Variants in C4orf50 observed in about 807,000 individuals in gnomAD.
C4orf50 encodes the protein uncharacterized protein C4orf50.
In C4orf50, 80 loss-of-function variants were observed where a neutral mutation model predicts 77.2. That is an observed-to-expected ratio of 1.04 (90% CI 0.87 to 1.25). C4orf50 has a LOEUF of 1.25. C4orf50 is among the 50% of genes most tolerant of loss of function. The pLI is 0.00. For synonymous variants in C4orf50, 532 were observed against 465.3 expected (o/e 1.14, Z -1.84); for missense variants, 1,257 against 1,152.9 (o/e 1.09, Z -1.31).
chr4:5,969,454 CAGG>C (rs1560571619), intron 31 of C4orf50, among the ~76,000 whole-genome samples: 1 of 150,118 alleles, frequency 6.7e-6, no homozygotes, highest in Admixed American at 6.7e-5. Context: ...CAGGAGGTGG[CAGG>C]AGGAGGAAAC....
chr4:5,985,606 AC>A, intron 28 of C4orf50, among the ~76,000 whole-genome samples: 2 of 152,232 alleles, frequency 1.3e-5, no homozygotes, highest in Middle Eastern at 6.8e-3. Context: ...AATACCAAAA[AC>A]AAAGGGAGGA....
intron 25 of C4orf50, among the ~76,000 whole-genome samples, chr4:5,996,518 A>G (rs532856907): frequency 1.4e-5 from 2 of 145,956 alleles, no homozygotes; most frequent in Admixed American, 6.9e-5. Flanking sequence ...GCCTTTGCAC[A>G]CTGTCTGGAC....
At chr4:5,989,546 A>G in exon 28 of C4orf50, 1 of 1,536,026 alleles carries the variant, frequency 6.5e-7, no homozygotes, top group Non-Finnish European at 8.7e-7. Context: ...TCTCCCCTAC[A>G]TGCAGAGGCT....
At chr4:5,918,239 A>G (rs78345688) in intron 7 of C4orf50, among the ~76,000 whole-genome samples, 8,196 of 152,268 alleles carry the variant, frequency 0.054, 371 homozygotes, top group African/African-American at 0.12. Flanking sequence ...AAAGAACGTC[A>G]GCCAGTTCAA....
intron 24 of C4orf50, among the ~76,000 whole-genome samples, chr4:6,010,489 C>T (rs973825099): frequency 2.6e-5 from 4 of 152,210 alleles, no homozygotes; most frequent in African/African-American, 9.6e-5. Flanking sequence ...ACATCATGCT[C>T]ATTATACACA....
chr4:5,994,199 T>C, intron 26 of C4orf50, 148 bp downstream of exon 4: 1 of 393,992 alleles, frequency 2.5e-6, no homozygotes, highest in South Asian at 1.4e-4. Context: ...AGAGGGACCC[T>C]ACCTCTCTGA....
At chr4:5,954,687 T>C (rs1303950837), downstream of C4orf50, among the ~76,000 whole-genome samples, 1 of 152,096 alleles carries the variant, frequency 6.6e-6, no homozygotes, top group Admixed American at 6.5e-5. This position sits in a 1 kb window ranked among gnomAD's most constrained non-coding sequence, Gnocchi z 4.7. Flanking sequence ...TAAAAGATAC[T>C]GGTCCAAGCA....
intron 25 of C4orf50, among the ~76,000 whole-genome samples, chr4:6,003,826 TGG>T (rs1721984285): frequency 4.3e-5 from 2 of 47,030 alleles, no homozygotes; most frequent in Non-Finnish European, 7.2e-5. Context: ...ATGATGGTGA[TGG>T]TGATGATGTG....
intron 30 of C4orf50, among the ~76,000 whole-genome samples, chr4:5,975,238 G>A (rs73212625): frequency 0.24 from 35,622 of 149,810 alleles, 4,441 homozygotes; most frequent in Middle Eastern, 0.27. Flanking sequence ...AGAAAGGAAG[G>A]GGCTTGAGCA....
chr4:5,931,753 G>A (rs1014107529), intron 7 of C4orf50, among the ~76,000 whole-genome samples: 7 of 152,092 alleles, frequency 4.6e-5, no homozygotes, highest in Non-Finnish European at 4.4e-5. Context: ...AGGAGCCTAA[G>A]GTTTGCACAC....
In C4orf50 at chr4:6,000,641, C is replaced by T. The variant is rs1721791318; in HGVS notation, c.964-6165G>A. Among the ~76,000 whole-genome samples, 2 of 152,136 alleles carry T rather than the reference C, an allele frequency of 1.3e-5. No individual in the cohort carries two copies. The highest frequency in any genetic ancestry group is 4.8e-5 in the African/African-American group (2 of 41,434). ...GCCTTTCCTCTGCCCCTACCTCCTT[C>T]ACCCAATCTGTTTTGTCATCCTGTG... On this transcript the variant is annotated intron_variant, in intron 25 of 33. Coordinates refer to ENST00000531445, the Ensembl canonical transcript of C4orf50. This position sits in a 1 kb window ranked among gnomAD's most constrained non-coding sequence, Gnocchi z 6.0.
intron 25 of C4orf50, among the ~76,000 whole-genome samples, chr4:6,003,150 C>T (rs1437794362): frequency 6.6e-6 from 1 of 152,186 alleles, no homozygotes; most frequent in Non-Finnish European, 1.5e-5. Context: ...CTCTGAGTCT[C>T]CCCAGCCCAT....
At chr4:5,953,177 C>T (rs542228347), downstream of C4orf50, among the ~76,000 whole-genome samples, 10 of 152,252 alleles carry the variant, frequency 6.6e-5, no homozygotes, top group African/African-American at 1.9e-4. Context: ...TGGCATGGAG[C>T]GGGCCTGAAT....
chr4:5,898,446 T>C (rs955118110), intron 7 of C4orf50: 3 of 152,176 alleles, frequency 2.0e-5, no homozygotes, highest in Admixed American at 2.0e-4. Context: ...CTTCACACCT[T>C]ACCCACTGTT....
rs1722486620 is a variant in C4orf50 at position 6,011,338 on chromosome 4, G to GGCCCC, written c.426+487_426+491dup. ...GTGTTCTCCCACACCTCTGTGCTAC[G>GGCCCC]GCCCCGTGCTGTCAGCCACGCCTCA... On this transcript the variant is annotated intron_variant, in intron 24 of 33. Coordinates refer to ENST00000531445, the Ensembl canonical transcript of C4orf50. This position sits in a 1 kb window ranked among gnomAD's most constrained non-coding sequence, Gnocchi z 4.2. 1.3e-5 allele frequency among the ~76,000 whole-genome samples: 2 copies of GGCCCC among 152,146 alleles called. No homozygotes were observed. Among genetic ancestry groups the GGCCCC allele is most frequent in the South Asian group, 4.2e-4 (2 of 4,810 alleles).
intron 7 of C4orf50, among the ~76,000 whole-genome samples, chr4:5,912,120 C>T (rs192284699): frequency 1.3e-5 from 2 of 152,156 alleles, no homozygotes; most frequent in Non-Finnish European, 2.9e-5. Flanking sequence ...ACCTGATTTT[C>T]GGCATTTTTT....
chr4:5,988,507 G>C (rs532403843), exon 28 of C4orf50: 13 of 1,540,578 alleles, frequency 8.4e-6, no homozygotes, highest in Non-Finnish European at 1.1e-5. Context: ...CAGCGATGGA[G>C]GGGGAGAATC....
chr4:5,997,621 A>G (rs1721652303), intron 25 of C4orf50, among the ~76,000 whole-genome samples: 1 of 152,230 alleles, frequency 6.6e-6, no homozygotes, highest in East Asian at 1.9e-4. Flanking sequence ...CCTGTAACTT[A>G]ATCTGGACTC....
At chr4:5,991,473 A>T (rs1480666089) in intron 27 of C4orf50, among the ~76,000 whole-genome samples, 1 of 152,244 alleles carries the variant, frequency 6.6e-6, no homozygotes, top group East Asian at 1.9e-4. Context: ...TGCTGGGCAC[A>T]CAGGAGGTGT....
Sources: gnomAD v4.1 joint callset for allele counts (sites outside exome capture counted in the v4.1 genomes callset) on GRCh38, gnomAD v4.1.1 for gene constraint, Gnocchi (gnomAD v3.1) non-coding constraint, MANE v1.5 for transcripts, NCBI Gene and HGNC (gene_info 2026-07-23, HGNC 2026-07-21) for gene names.